SEPSECS: variants seen among roughly 807,000 people sequenced by gnomAD.
SEPSECS encodes O-phosphoseryl-tRNA(Sec) selenium transferase.
In SEPSECS, 42 loss-of-function variants were observed where a neutral mutation model predicts 52.1. The observed-to-expected ratio is 0.81, with a 90% CI of 0.63 to 1.04. SEPSECS has a LOEUF of 1.04. SEPSECS is among the 50% of genes least tolerant of loss of function. The pLI, the probability that SEPSECS is intolerant of heterozygous loss-of-function variation, is 0.00. For synonymous variants in SEPSECS, 216 were observed against 211.4 expected (o/e 1.02, Z -0.19); for missense variants, 590 against 610.6 (o/e 0.97, Z 0.36).
chr4:25,150,407 T>C (rs1300052280), intron 6 of SEPSECS, among the ~76,000 whole-genome samples: 1 of 152,240 alleles, frequency 6.6e-6, no homozygotes, highest in Non-Finnish European at 1.5e-5. Context: ...AGATATTGTC[T>C]TAAGTACTGA....
At chr4:25,142,138 A>T (rs1434752087) in intron 8 of SEPSECS, among the ~76,000 whole-genome samples, 2 of 152,288 alleles carry the variant, frequency 1.3e-5, no homozygotes, top group East Asian at 3.9e-4. Context: ...ATAGCCAGGC[A>T]TGGTGATGTG....
At chr4:25,145,226 G>T in intron 6 of SEPSECS, 93 bp from the exon 7 acceptor site, 1 of 1,309,600 alleles carries the variant, frequency 7.6e-7, no homozygotes. Context: ...ATAACTATTT[G>T]AGTTAATTAA....
Position 25,155,157 on chromosome 4 carries a change from CA to C in SEPSECS, c.548-7del. 6.2e-7 allele frequency: 1 copy of C among 1,614,024 alleles called. No homozygotes were observed. Among genetic ancestry groups the C allele is most frequent in the Non-Finnish European group, 8.5e-7 (1 of 1,179,964 alleles). On this transcript the variant is annotated splice_region_variant and splice_polypyrimidine_tract_variant and intron_variant, in intron 4 of 10. Coordinates refer to ENST00000382103, the MANE Select transcript of SEPSECS (RefSeq NM_016955.4). ...TATCACCACAGGCTCAAAACCTAAC[CA>C]AACCAACCAGAAAACAAAATGTTAG...
At chr4:25,127,173 C>A (rs924829950) in intron 9 of SEPSECS, 91 bp downstream of exon 9, 3 of 783,888 alleles carry the variant, frequency 3.8e-6, no homozygotes, top group Non-Finnish European at 6.4e-6. Context: ...ATCATTATAA[C>A]TAGAAAGAGT....
At position 25,156,185 on chromosome 4, in the gene SEPSECS, T is replaced by G; in HGVS notation, c.399A>C (p.Thr133=). The G allele has an allele frequency of 1.1e-5, 18 of 1,613,994 alleles. No homozygotes were observed. The highest frequency in any genetic ancestry group is 1.5e-5 in the Non-Finnish European group (18 of 1,179,898). ...LDIIKLAGVH[T]VANCFVVPMA... ...TAGGAACTACAAAGCAGTTGGCTAC[T>G]GTATGGACACCTACAAATAAGAAGC... The change falls in exon 4 of 11, where the codon ACA becomes ACC. Residue 133 remains threonine, a synonymous_variant. Transcript: ENST00000382103.
chr4:25,132,810 C>T (rs1008346724), intron 8 of SEPSECS, among the ~76,000 whole-genome samples: 2 of 152,120 alleles, frequency 1.3e-5, no homozygotes, highest in Non-Finnish European at 2.9e-5. Flanking sequence ...TAGCACAGGG[C>T]CAGTGATCAC....
chr4:25,149,510 T>C (rs986833304), intron 6 of SEPSECS, among the ~76,000 whole-genome samples: 1 of 152,084 alleles, frequency 6.6e-6, no homozygotes, highest in Non-Finnish European at 1.5e-5. Flanking sequence ...ATGTACACAA[T>C]GAATATAACT....
intron 6 of SEPSECS, 130 bp downstream of exon 6, chr4:25,151,830 C>G: frequency 1.5e-6 from 1 of 669,170 alleles, no homozygotes; most frequent in Admixed American, 2.2e-5. Flanking sequence ...ATGTAAGTTC[C>G]TAACACAACC....
intron 8 of SEPSECS, among the ~76,000 whole-genome samples, chr4:25,128,429 T>TAACAAAAACAAA (rs142838476): frequency 7.3e-5 from 11 of 150,538 alleles, no homozygotes; most frequent in African/African-American, 2.5e-4. Context: ...CTGGGTAACA[T>TAACAAAAACAAA]AACAAAAACA....
chr4:25,120,479 T>A lies in SEPSECS; in HGVS notation c.*3452A>T, dbSNP rs1370551367. On this transcript the variant is annotated 3_prime_UTR_variant, in exon 11 of 11. Transcript: ENST00000382103. ...ATAATATGACAGACAAGGAAAAAAC[T>A]GACTAATAGAACCTTTTCTTAAAAA... The A allele has an allele frequency of 6.6e-6, 1 of 152,168 alleles. No homozygotes were observed. Among genetic ancestry groups the A allele is most frequent in the Non-Finnish European group, 1.5e-5 (1 of 67,998 alleles). 9.4% of individuals were successfully genotyped at this position (152,168 alleles called of 1,614,324 possible).
chr4:25,130,531 C>T (rs1008706937), intron 8 of SEPSECS, among the ~76,000 whole-genome samples: 5 of 152,022 alleles, frequency 3.3e-5, no homozygotes, highest in African/African-American at 7.2e-5. Context: ...AATTAAATCT[C>T]GTATCACTAG....
At chr4:25,130,331 G>A (rs533043898) in intron 8 of SEPSECS, among the ~76,000 whole-genome samples, 4 of 152,338 alleles carry the variant, frequency 2.6e-5, no homozygotes, top group South Asian at 2.1e-4. Context: ...CACCCCTGGA[G>A]GGTGCTTTTA....
chr4:25,151,977 T>C lies in SEPSECS; in HGVS notation c.787A>G (p.Met263Val). The change falls in exon 6 of 11, where the codon ATG becomes GTG. Residue 263 changes from methionine to valine, a missense_variant. By Grantham distance (21) the Met-to-Val change is conservative. Coordinates refer to ENST00000382103, the MANE Select transcript of SEPSECS (RefSeq NM_016955.4). ...TCTCTTACCTGCTGAATGAGATGCA[T>C]ACACTTTGAAGACTGCACTCCATAA... ...NAYGVQSSKCMHLIQQGARVG... is the reference protein window; with the variant it reads ...NAYGVQSSKCVHLIQQGARVG... 2 of 1,576,288 alleles carry C rather than the reference T, an allele frequency of 1.3e-6. No individual in the cohort carries two copies. Among genetic ancestry groups the C allele is most frequent in the Non-Finnish European group, 1.7e-6 (2 of 1,145,810 alleles).
rs1461774764 is a variant in SEPSECS at position 25,122,856 on chromosome 4, G to A, written c.*1075C>T. ...AAATGAGCACATGGGCAAGTAGAGG[G>A]GAATACACCTGTTTATCATACTATG... is the stretch of plus-strand genomic sequence containing the variant. On this transcript the variant is annotated 3_prime_UTR_variant, in exon 11 of 11. Coordinates refer to ENST00000382103, the MANE Select transcript of SEPSECS (RefSeq NM_016955.4). 6.6e-6 allele frequency: 1 copy of A among 152,052 alleles called. No homozygotes were observed. The highest frequency in any genetic ancestry group is 2.4e-5 in the African/African-American group (1 of 41,418). 9.4% of individuals were successfully genotyped at this position (152,052 alleles called of 1,614,324 possible).
At chr4:25,160,476 T>C (rs1577637371), upstream of SEPSECS, 4 of 900,298 alleles carry the variant, frequency 4.4e-6, no homozygotes, top group East Asian at 1.1e-4. Context: ...GGCAGCGCCT[T>C]GGGACAAAAA....
chr4:25,134,550 A>G (rs1317406181), intron 8 of SEPSECS, among the ~76,000 whole-genome samples: 1 of 152,152 alleles, frequency 6.6e-6, no homozygotes, highest in Non-Finnish European at 1.5e-5. Flanking sequence ...CCAAGGGGGC[A>G]TTATTCTACC....
At position 25,160,252 on chromosome 4, in the gene SEPSECS, G is replaced by A; in HGVS notation, c.114+4C>T. 1.3e-6 allele frequency: 2 copies of A among 1,553,800 alleles called. No individual in the cohort carries two copies. Among genetic ancestry groups the A allele is most frequent in the Non-Finnish European group, 1.7e-6 (2 of 1,147,904 alleles). On this transcript the variant is annotated splice_donor_region_variant and intron_variant, in intron 1 of 10. Coordinates refer to ENST00000382103, the MANE Select transcript of SEPSECS (RefSeq NM_016955.4). ...GGCTGGGGAGGGGACCGACAGCTCG[G>A]TACCTTCTCCAGAAGCAGCCGTATG...
At position 25,156,038 on chromosome 4, in the gene SEPSECS, T is replaced by C. The variant is rs763572445; in HGVS notation, c.546A>G (p.Ala182=). Residue 182 remains alanine (A), a splice_region_variant and synonymous_variant, in exon 4 of 11, where the codon GCA becomes GCG. Coordinates refer to ENST00000382103, the MANE Select transcript of SEPSECS (RefSeq NM_016955.4). ...CATTATGTATGACACTTCTCTTACCTGCAGTGATCATGGATTTAAAGCAGG... is the reference window on the plus strand; with the variant it reads ...CATTATGTATGACACTTCTCTTACCCGCAGTGATCATGGATTTAAAGCAGG... ...QKSCFKSMIT[A]GFEPVVIENV... The C allele has an allele frequency of 1.2e-6, 2 of 1,612,978 alleles. No individual in the cohort carries two copies. The highest frequency in any genetic ancestry group is 8.5e-7 in the Non-Finnish European group (1 of 1,178,990).
rs765483091 is a variant in SEPSECS at position 25,152,072 on chromosome 4, T to A, written c.702-10A>T. 7.1e-7 allele frequency: 1 copy of A among 1,414,300 alleles called. No homozygotes were observed. The highest frequency in any genetic ancestry group is 1.4e-5 in the African/African-American group (1 of 71,002). The allele number at this position is 1,414,300 out of a possible 1,614,324, so 87.6% of individuals were successfully genotyped here. A position where few individuals can be genotyped will look rare whatever the true frequency, so the allele number is the denominator to read the frequency against. ...AGCCAGTTCTTCTAATCTATAAACA[T>A]AAATATTCAATAGAAAGACATACTC... On this transcript the variant is annotated splice_polypyrimidine_tract_variant and intron_variant, in intron 5 of 10. Transcript: ENST00000382103.
Sources: gnomAD v4.1 joint callset for allele counts (sites outside exome capture counted in the v4.1 genomes callset) on GRCh38, gnomAD v4.1.1 for gene constraint, MANE v1.5 for transcripts, NCBI Gene and HGNC (gene_info 2026-07-23, HGNC 2026-07-21) for gene names.